Variants in CELF4 observed in about 807,000 individuals in gnomAD.
CELF4 encodes the protein CUG-BP- and ETR-3-like factor 4.
A neutral mutation model predicts 59.9 loss-of-function variants in CELF4; 18 were observed. The observed-to-expected ratio is 0.30, with a 90% CI of 0.21 to 0.45. The LOEUF is 0.45. Among genes scored for constraint, CELF4 ranks in the 20% least tolerant of loss-of-function variants. The pLI, the probability that CELF4 is intolerant of heterozygous loss-of-function variation, is 1.00. For missense variants in CELF4, 456 were observed against 689.0 expected (o/e 0.66, Z 3.79); for synonymous variants, 261 against 267.1 (o/e 0.98, Z 0.22).
At chr18:37,430,914 T>C (rs2099645993) in intron 2 of CELF4, among the ~76,000 whole-genome samples, 1 of 152,156 alleles carries the variant, frequency 6.6e-6, no homozygotes, top group Non-Finnish European at 1.5e-5. Context: ...TAGCTGTAGG[T>C]GTCTCTGGGT....
At chr18:37,563,254 AAAGTTT>A (rs903898327) in intron 1 of CELF4, among the ~76,000 whole-genome samples, 10 of 152,152 alleles carry the variant, frequency 6.6e-5, no homozygotes, top group Admixed American at 3.3e-4. Flanking sequence ...GAATATTGTT[AAAGTTT>A]ATCTTCATTT....
intron 3 of CELF4, among the ~76,000 whole-genome samples, chr18:37,310,370 CA>C (rs573901562): frequency 3.3e-5 from 5 of 152,192 alleles, no homozygotes; most frequent in Non-Finnish European, 7.3e-5. Flanking sequence ...ATTTCTATCA[CA>C]TAACTCCCCT....
At chr18:37,530,059 C>G (rs989157295) in intron 1 of CELF4, among the ~76,000 whole-genome samples, 7 of 152,182 alleles carry the variant, frequency 4.6e-5, no homozygotes, top group Non-Finnish European at 8.8e-5. Context: ...TGTATTGTCC[C>G]TAGAGACTGC....
At chr18:37,495,894 C>T (rs1304733647) in intron 1 of CELF4, among the ~76,000 whole-genome samples, 1 of 152,100 alleles carries the variant, frequency 6.6e-6, no homozygotes, top group Non-Finnish European at 1.5e-5. Flanking sequence ...TTCTCTGACT[C>T]TTATCTCCCA....
intron 1 of CELF4, among the ~76,000 whole-genome samples, chr18:37,497,437 A>C (rs2099926407): frequency 6.6e-6 from 1 of 152,182 alleles, no homozygotes; most frequent in Non-Finnish European, 1.5e-5. Flanking sequence ...GCAGATCACG[A>C]GGTCAGGAGT....
chr18:37,442,996 A>G (rs1056896537), intron 2 of CELF4, among the ~76,000 whole-genome samples: 7 of 151,966 alleles, frequency 4.6e-5, no homozygotes, highest in African/African-American at 1.7e-4. Flanking sequence ...TCAAAATTCT[A>G]CCCATCCCTA....
At chr18:37,269,364 A>G (rs987812163) in intron 8 of CELF4, among the ~76,000 whole-genome samples, 1 of 152,102 alleles carries the variant, frequency 6.6e-6, no homozygotes, top group African/African-American at 2.4e-5. Context: ...ATTCTCCTCT[A>G]TTTCCCTCTA....
At chr18:37,348,423 C>T (rs1204378287) in intron 2 of CELF4, among the ~76,000 whole-genome samples, 1 of 152,184 alleles carries the variant, frequency 6.6e-6, no homozygotes, top group Non-Finnish European at 1.5e-5. Flanking sequence ...AATGCACCCC[C>T]GGTCCTGTCC....
chr18:37,399,781 T>C (rs1681938901), intron 2 of CELF4, among the ~76,000 whole-genome samples: 1 of 152,238 alleles, frequency 6.6e-6, no homozygotes, highest in Non-Finnish European at 1.5e-5. Flanking sequence ...AGTAAGACGC[T>C]TGCCCATCTA....
intron 2 of CELF4, among the ~76,000 whole-genome samples, chr18:37,432,397 GATTTA>G (rs1240524227): frequency 6.6e-6 from 1 of 152,218 alleles, no homozygotes; most frequent in Non-Finnish European, 1.5e-5. Context: ...TTGTTCTACT[GATTTA>G]TTTGAAAAGA....
chr18:37,530,065 A>C (rs915009414), intron 1 of CELF4, among the ~76,000 whole-genome samples: 22 of 152,116 alleles, frequency 1.4e-4, no homozygotes, highest in Admixed American at 1.3e-4. Flanking sequence ...GTCCCTAGAG[A>C]CTGCACTACC....
At chr18:37,494,720 T>C (rs1001169999) in intron 1 of CELF4, among the ~76,000 whole-genome samples, 8 of 152,172 alleles carry the variant, frequency 5.3e-5, no homozygotes, top group African/African-American at 1.9e-4. Context: ...GACTCTGGTA[T>C]CCTGATGGCT....
At chr18:37,477,371 G>A (rs1288517581) in intron 2 of CELF4, among the ~76,000 whole-genome samples, 1 of 152,202 alleles carries the variant, frequency 6.6e-6, no homozygotes, top group African/African-American at 2.4e-5. Context: ...CCAGGCAGAG[G>A]GAATGACATG....
chr18:37,548,112 CTT>C (rs373131118), intron 1 of CELF4, among the ~76,000 whole-genome samples: 2 of 151,952 alleles, frequency 1.3e-5, no homozygotes, highest in African/African-American at 2.4e-5. Flanking sequence ...TGAGTTATCT[CTT>C]TGTTTCCATA....
intron 3 of CELF4, among the ~76,000 whole-genome samples, chr18:37,285,304 T>C (rs2094622686): frequency 6.6e-6 from 1 of 152,206 alleles, no homozygotes; most frequent in South Asian, 2.1e-4. Context: ...CTCCCTTGAA[T>C]GTGGGCTGAA....
intron 3 of CELF4, among the ~76,000 whole-genome samples, chr18:37,304,365 C>T (rs891704260): frequency 5.3e-5 from 8 of 152,176 alleles, no homozygotes; most frequent in African/African-American, 1.2e-4. Flanking sequence ...TTCCATGAGA[C>T]AGCAGGCTTC....
chr18:37,503,355 G>A (rs939581222), intron 1 of CELF4, among the ~76,000 whole-genome samples: 5 of 152,162 alleles, frequency 3.3e-5, no homozygotes, highest in East Asian at 3.9e-4. Context: ...CAGGCTCGGC[G>A]AGCTCTTATG....
chr18:37,309,402 G>T (rs2096564003), intron 3 of CELF4, among the ~76,000 whole-genome samples: 1 of 151,994 alleles, frequency 6.6e-6, no homozygotes, highest in Non-Finnish European at 1.5e-5. Flanking sequence ...CACTCTTATT[G>T]GAGGCTCTGG....
intron 3 of CELF4, among the ~76,000 whole-genome samples, chr18:37,310,244 C>T (rs1334832306): frequency 6.6e-6 from 1 of 152,126 alleles, no homozygotes; most frequent in Admixed American, 6.5e-5. Flanking sequence ...GGGGATGGAA[C>T]TGGGACCAGA....
Sources: allele counts gnomAD v4.1 joint callset (sites outside exome capture counted in the v4.1 genomes callset), GRCh38; gene constraint gnomAD v4.1.1; transcripts MANE v1.5; gene names NCBI Gene and HGNC (gene_info 2026-07-23, HGNC 2026-07-21).